SGCZ: variants seen among roughly 807,000 people sequenced by gnomAD.
The protein encoded by SGCZ is zeta-sarcoglycan.
In SGCZ, 40 loss-of-function variants were observed where a neutral mutation model predicts 41.3. That is an observed-to-expected ratio of 0.97 (90% CI 0.75 to 1.26). The LOEUF (loss-of-function observed/expected upper bound fraction) is 1.26, where lower values mean the gene tolerates loss of function less well. SGCZ is among the 50% of genes most tolerant of loss of function. The pLI is 0.00. For missense variants in SGCZ, 552 were observed against 369.8 expected (o/e 1.49, Z -4.04); for synonymous variants, 206 against 137.5 (o/e 1.50, Z -3.49).
chr8:14,753,656 C>A (rs954885782), intron 1 of SGCZ, among the ~76,000 whole-genome samples: 4 of 152,156 alleles, frequency 2.6e-5, no homozygotes, highest in African/African-American at 7.2e-5. Flanking sequence ...GAGTTGCAGT[C>A]TTAGTTAGTG....
At chr8:14,675,378 T>C (rs1351390078) in intron 1 of SGCZ, among the ~76,000 whole-genome samples, 2 of 152,198 alleles carry the variant, frequency 1.3e-5, no homozygotes, top group Non-Finnish European at 2.9e-5. Flanking sequence ...CATATATTTA[T>C]TGTTTCAGAA....
intron 1 of SGCZ, among the ~76,000 whole-genome samples, chr8:15,109,759 T>G (rs1455040501): frequency 3.3e-5 from 5 of 152,200 alleles, no homozygotes; most frequent in Non-Finnish European, 7.3e-5. Flanking sequence ...CATAGTTTTG[T>G]GAACATGTTA....
intron 2 of SGCZ, among the ~76,000 whole-genome samples, chr8:14,479,727 ACTTCTTTTT>A (rs1339725779): frequency 0.018 from 1,922 of 109,146 alleles, 55 homozygotes; most frequent in East Asian, 0.09. Flanking sequence ...CCAGAATTCT[ACTTCTTTTT>A]TTTTTTTTTT....
intron 5 of SGCZ, among the ~76,000 whole-genome samples, chr8:14,148,297 C>A (rs1232918750): frequency 6.6e-6 from 1 of 151,588 alleles, no homozygotes; most frequent in South Asian, 2.1e-4. Flanking sequence ...AATTGACAAA[C>A]CTTTAGCCAA....
chr8:14,450,901 A>G (rs1389554565), intron 2 of SGCZ, among the ~76,000 whole-genome samples: 1 of 152,152 alleles, frequency 6.6e-6, no homozygotes, highest in Non-Finnish European at 1.5e-5. Flanking sequence ...TCCCTCTAGC[A>G]ACATCCACTG....
chr8:14,702,954 TAGATAGATAGATAGATAGAC>T (rs200801571), intron 1 of SGCZ, among the ~76,000 whole-genome samples: 241 of 139,930 alleles, frequency 1.7e-3, no homozygotes, highest in South Asian at 3.6e-3. Context: ...GATAGATAGA[TAGATAGATAGATAGATAGAC>T]AGACAGACAG....
chr8:14,581,457 T>C (rs1270253671), intron 1 of SGCZ, among the ~76,000 whole-genome samples: 1 of 151,838 alleles, frequency 6.6e-6, no homozygotes, highest in African/African-American at 2.4e-5. Flanking sequence ...TTGTTTTTTT[T>C]TTTCCCCCAC....
At chr8:14,483,496 AG>A (rs1563358740) in intron 2 of SGCZ, among the ~76,000 whole-genome samples, 1 of 152,212 alleles carries the variant, frequency 6.6e-6, no homozygotes, top group Non-Finnish European at 1.5e-5. Flanking sequence ...GCTTGAGCCC[AG>A]GAAGTCAAGG....
intron 2 of SGCZ, among the ~76,000 whole-genome samples, chr8:14,378,790 C>T (rs1002778500): frequency 5.3e-5 from 8 of 152,038 alleles, no homozygotes; most frequent in South Asian, 2.1e-4. Flanking sequence ...TTGTAAGATG[C>T]CCAGCTTGTG....
intron 1 of SGCZ, among the ~76,000 whole-genome samples, chr8:14,917,834 A>T (rs1304064935): frequency 6.6e-6 from 1 of 152,112 alleles, no homozygotes; most frequent in Admixed American, 6.5e-5. Flanking sequence ...TTCTCACATC[A>T]TTAATTAGGA....
chr8:14,216,793 A>C (rs1234176565), intron 4 of SGCZ, among the ~76,000 whole-genome samples: 1 of 152,190 alleles, frequency 6.6e-6, no homozygotes, highest in Non-Finnish European at 1.5e-5. Flanking sequence ...TGCTTTTCTC[A>C]AAATCAGTAA....
intron 1 of SGCZ, among the ~76,000 whole-genome samples, chr8:14,592,045 C>T (rs982726659): frequency 2.6e-5 from 4 of 152,106 alleles, no homozygotes; most frequent in African/African-American, 9.7e-5. Flanking sequence ...ATTGTTGTGT[C>T]ATTATATCAT....
intron 1 of SGCZ, among the ~76,000 whole-genome samples, chr8:15,044,916 G>C (rs979848341): frequency 3.3e-5 from 5 of 152,100 alleles, no homozygotes; most frequent in Admixed American, 1.3e-4. Flanking sequence ...AAGAGTAATA[G>C]TAAATTATGA....
chr8:14,850,491 C>A (rs1803275396), intron 1 of SGCZ, among the ~76,000 whole-genome samples: 1 of 152,086 alleles, frequency 6.6e-6, no homozygotes, highest in Non-Finnish European at 1.5e-5. Flanking sequence ...GAGAAGGCTT[C>A]ATGGAATAAG....
intron 2 of SGCZ, among the ~76,000 whole-genome samples, chr8:14,415,211 C>A (rs1799462453): frequency 6.6e-6 from 1 of 151,798 alleles, no homozygotes; most frequent in Admixed American, 6.6e-5. Context: ...GTTCATGATT[C>A]ATTTAAATAT....
intron 2 of SGCZ, among the ~76,000 whole-genome samples, chr8:14,343,274 G>A (rs186498283): frequency 2.0e-5 from 3 of 152,162 alleles, no homozygotes; most frequent in African/African-American, 7.2e-5. Context: ...TCCTACTGGG[G>A]CACTGCCTAG....
chr8:14,702,731 T>TGATAGATAGATAGATAGATAGATAGAAA (rs1809180019), intron 1 of SGCZ, among the ~76,000 whole-genome samples: 1 of 91,200 alleles, frequency 1.1e-5, no homozygotes, highest in African/African-American at 3.6e-5. Context: ...CTGGCTTCAA[T>TGATAGATAGATAGATAGATAGATAGAAA]GATAGATAGA....
intron 1 of SGCZ, among the ~76,000 whole-genome samples, chr8:15,040,985 T>C (rs1372735547): frequency 6.6e-6 from 1 of 152,018 alleles, no homozygotes; most frequent in Admixed American, 6.6e-5. Flanking sequence ...CTAAATGAAA[T>C]GATACAAAAA....
chr8:15,104,714 T>G (rs566850312), intron 1 of SGCZ, among the ~76,000 whole-genome samples: 2 of 152,124 alleles, frequency 1.3e-5, no homozygotes, highest in Non-Finnish European at 2.9e-5. Flanking sequence ...TGAGCACATA[T>G]AGCTTCCCAA....
Sources: allele counts gnomAD v4.1 joint callset (sites outside exome capture counted in the v4.1 genomes callset), GRCh38; gene constraint gnomAD v4.1.1; transcripts MANE v1.5; gene names NCBI Gene and HGNC (gene_info 2026-07-23, HGNC 2026-07-21).